TMEM25: variants seen among roughly 807,000 people sequenced by gnomAD.
The protein encoded by TMEM25 is 0610039J01Rik.
In TMEM25, 36 loss-of-function variants were observed where a neutral mutation model predicts 37.0. The observed-to-expected ratio is 0.97, with a 90% CI of 0.75 to 1.28. TMEM25 has a LOEUF of 1.28. Among genes scored for constraint, TMEM25 ranks in the 50% most tolerant of loss-of-function variants. The pLI is 0.00. For synonymous variants in TMEM25, 197 were observed against 203.7 expected (o/e 0.97, Z 0.28); for missense variants, 444 against 477.9 (o/e 0.93, Z 0.66).
At chr11:118,539,840 G>A (rs1262799819), downstream of TMEM25, among the ~76,000 whole-genome samples, 1 of 151,704 alleles carries the variant, frequency 6.6e-6, no homozygotes, top group East Asian at 2.0e-4. Context: ...AGCCAACATG[G>A]TGAAACTCCA....
rs1951685720 is a variant in TMEM25 at position 118,546,345 on chromosome 11, G to C, written c.*198G>C. On this transcript the variant is annotated 3_prime_UTR_variant, in exon 9 of 9. Transcript: ENST00000354284. Reference sequence around the variant, plus strand: ...AAATTCCATCTCTACAAAAAAATTAGCCGGGTGTGGTGTTGAGTATCTGTA... The same window carrying C: ...AAATTCCATCTCTACAAAAAAATTACCCGGGTGTGGTGTTGAGTATCTGTA... 5.2e-6 allele frequency: 3 copies of C among 573,548 alleles called. No individual in the cohort carries two copies. In the African/African-American group the frequency reaches 5.7e-5, roughly 11 times the overall value. The allele number at this position is 573,548 out of a possible 1,614,324, so 35.5% of individuals were successfully genotyped here. A position where few individuals can be genotyped will look rare whatever the true frequency, so the allele number is the denominator to read the frequency against.
chr11:118,531,857 C>A lies in TMEM25; in HGVS notation c.56C>A (p.Ala19Asp). ...ALRHTLLLLP[A>D]LLSSGWGELE... ...CGGCACACACTGCTGCTCCTGCCAG[C>A]CCTTCTGAGCTCAGGTACACCCCTG... is the stretch of plus-strand genomic sequence containing the variant. Residue 19 changes from alanine to aspartate, a missense_variant, in exon 2 of 9, where the codon GCC (alanine) becomes GAC (aspartate). Coordinates refer to ENST00000313236, the MANE Select transcript of TMEM25 (RefSeq NM_032780.4). 6.4e-7 allele frequency: 1 copy of A among 1,551,648 alleles called. No individual in the cohort carries two copies. Among genetic ancestry groups the A allele is most frequent in the South Asian group, 1.2e-5 (1 of 84,066 alleles).
At position 118,534,515 on chromosome 11, in the gene TMEM25, C is replaced by T. The variant is rs200093993; in HGVS notation, c.1036C>T (p.Arg346Cys). 1.5e-5 allele frequency: 25 copies of T among 1,614,178 alleles called. No individual in the cohort carries two copies. Among genetic ancestry groups the T allele is most frequent in the Non-Finnish European group, 1.9e-5 (22 of 1,180,028 alleles). Reference sequence around the variant, plus strand: ...CTTCTTTGATCCCGCAGGTTTCATCCGCCTCCCAGTGCTGGGCTATATCTA... The same window carrying T: ...CTTCTTTGATCCCGCAGGTTTCATCTGCCTCCCAGTGCTGGGCTATATCTA... The part of the protein sequence containing the change: ...GGLLTSQGFI[R>C]LPVLGYIYRV... Residue 346 changes from arginine to cysteine, a missense_variant, in exon 9 of 9, where the codon CGC (arginine) becomes TGC (cysteine). Coordinates refer to ENST00000313236, the MANE Select transcript of TMEM25 (RefSeq NM_032780.4). This position sits in a 1 kb window ranked among gnomAD's most constrained non-coding sequence, Gnocchi z 4.6.
chr11:118,532,244 A>AG lies in TMEM25; in HGVS notation c.171dup (p.Pro58AlafsTer47). On this transcript the variant is annotated frameshift_variant, in exon 3 of 9. Transcript: ENST00000313236. LOFTEE classifies it high-confidence loss of function. ...GCCACGCCTTCACCTGCCGGGTGGC[A>AG]GGGGGGCCTGGCACCCCCAGATTGG... 1 of 1,613,598 alleles carries AG rather than the reference A, an allele frequency of 6.2e-7. No individual in the cohort carries two copies. The highest frequency in any genetic ancestry group is 8.5e-7 in the Non-Finnish European group (1 of 1,179,636).
At chr11:118,531,565 C>CA in intron 1 of TMEM25, 1 of 569,316 alleles carries the variant, frequency 1.8e-6, no homozygotes, top group Non-Finnish European at 3.1e-6. Context: ...AGTCAGTGCT[C>CA]GCTTCTGCGC....
Position 118,535,647 on chromosome 11 carries a change from A to T in TMEM25, c.*1067A>T. ...AGCTTTAGGGGAACATGGAGAAAGA[A>T]GGAGACCACATACCCCAAAGTGACC... is the stretch of plus-strand genomic sequence containing the variant. On this transcript the variant is annotated 3_prime_UTR_variant, in exon 9 of 9. Transcript: ENST00000313236. The T allele has an allele frequency of 6.6e-7, 1 of 1,519,044 alleles. No homozygotes were observed. The highest frequency in any genetic ancestry group is 8.8e-7 in the Non-Finnish European group (1 of 1,134,370). 94.1% of individuals were successfully genotyped at this position (1,519,044 alleles called of 1,614,324 possible). A position where few individuals can be genotyped will look rare whatever the true frequency, so the allele number is the denominator to read the frequency against.
At position 118,535,776 on chromosome 11, in the gene TMEM25, C is replaced by T; in HGVS notation, c.*1196C>T. ...TTCTTTTGTAATGTTTTTCATGTTA[C>T]TGCCTAGGGCGGTGCTGAGCACACA... is the stretch of plus-strand genomic sequence containing the variant. On this transcript the variant is annotated 3_prime_UTR_variant, in exon 9 of 9. Transcript: ENST00000313236. 2 of 1,341,512 alleles carry T rather than the reference C, an allele frequency of 1.5e-6. No individual in the cohort carries two copies. The highest frequency in any genetic ancestry group is 9.5e-7 in the Non-Finnish European group (1 of 1,049,278). The allele number at this position is 1,341,512 out of a possible 1,614,324, so 83.1% of individuals were successfully genotyped here.
intron 8 of TMEM25, among the ~76,000 whole-genome samples, chr11:118,543,735 C>T (rs1002029390): frequency 6.6e-6 from 1 of 152,056 alleles, no homozygotes; most frequent in Non-Finnish European, 1.5e-5. Context: ...GATCCACCCG[C>T]CTCAGCCTCC....
At chr11:118,536,744 T>C (rs1389438967), downstream of TMEM25, among the ~76,000 whole-genome samples, 2 of 152,212 alleles carry the variant, frequency 1.3e-5, no homozygotes, top group Admixed American at 6.5e-5. Context: ...TGGGCTAAAG[T>C]ATGCTGAGCC....
At chr11:118,531,590 T>C in intron 1 of TMEM25, 185 bp from the exon 2 acceptor site, 4 of 581,886 alleles carry the variant, frequency 6.9e-6, no homozygotes, top group South Asian at 6.7e-5. Context: ...AGGATGTCCA[T>C]GTGTCTGCTG....
downstream of TMEM25, among the ~76,000 whole-genome samples, chr11:118,540,146 G>C (rs1360440338): frequency 6.6e-6 from 1 of 151,674 alleles, no homozygotes; most frequent in East Asian, 1.9e-4. Flanking sequence ...GTCTCGCTCT[G>C]TTGCCCAGGC....
intron 8 of TMEM25, among the ~76,000 whole-genome samples, chr11:118,543,031 G>C (rs1383168764): frequency 1.3e-5 from 2 of 152,036 alleles, no homozygotes; most frequent in African/African-American, 4.8e-5. Flanking sequence ...CATGAGGTCA[G>C]CAGATTGAGA....
At chr11:118,545,531 C>T (rs1951658760) in intron 8 of TMEM25, 1 of 1,544,738 alleles carries the variant, frequency 6.5e-7, no homozygotes. Context: ...CAGAAGCAAA[C>T]AAACTCCGGG....
chr11:118,540,382 C>G (rs1951563515), downstream of TMEM25, among the ~76,000 whole-genome samples: 1 of 152,222 alleles, frequency 6.6e-6, no homozygotes, highest in Non-Finnish European at 1.5e-5. Context: ...GAGTTCTAGC[C>G]TCTACTGATT....
chr11:118,533,301 T>G, intron 4 of TMEM25, 94 bp downstream of exon 4: 1 of 1,566,642 alleles, frequency 6.4e-7, no homozygotes, highest in Non-Finnish European at 8.6e-7. Flanking sequence ...GCCCTGTGGT[T>G]GGGTCTTGTG....
At chr11:118,545,541 GA>G in intron 8 of TMEM25, 1 of 1,474,524 alleles carries the variant, frequency 6.8e-7, no homozygotes. Context: ...CAAACTCCGG[GA>G]ATTAGAGGCC....
intron 8 of TMEM25, chr11:118,545,846 A>C: frequency 6.2e-7 from 1 of 1,614,186 alleles, no homozygotes; most frequent in Non-Finnish European, 8.5e-7. Flanking sequence ...TGCCGTGGGC[A>C]GGCTTACCTG....
Position 118,545,278 on chromosome 11 carries a change from T to C in TMEM25, c.1028-841T>C. Reference sequence around the variant, plus strand: ...CCTGCCTCCTTTGCTCTCCTAATTATGGGAAAGGGCGAAGGTAACTGGGCA... The same window carrying C: ...CCTGCCTCCTTTGCTCTCCTAATTACGGGAAAGGGCGAAGGTAACTGGGCA... On this transcript the variant is annotated intron_variant, in intron 8 of 8. Transcript: ENST00000354284. 3.8e-6 allele frequency: 3 copies of C among 788,874 alleles called. No homozygotes were observed. The South Asian group carries it at 5.0e-5, about 13-fold the overall frequency. The allele number at this position is 788,874 out of a possible 1,614,324, so 48.9% of individuals were successfully genotyped here. A position where few individuals can be genotyped will look rare whatever the true frequency, so the allele number is the denominator to read the frequency against.
chr11:118,534,640 C>G lies in TMEM25; in HGVS notation c.*60C>G. The G allele has an allele frequency of 6.3e-7, 1 of 1,597,766 alleles. No individual in the cohort carries two copies. The highest frequency in any genetic ancestry group is 8.5e-7 in the Non-Finnish European group (1 of 1,169,606). On this transcript the variant is annotated 3_prime_UTR_variant, in exon 9 of 9. Transcript: ENST00000313236. The surrounding 1 kb of genome is among the most constrained non-coding windows in gnomAD (Gnocchi z 4.6). ...TGGACACCCTCCCGTTCCTCCAAGG[C>G]ATCCTCTACCTAGCTAGGTCACCAA...
Sources: gnomAD v4.1 joint callset for allele counts (sites outside exome capture counted in the v4.1 genomes callset) on GRCh38, gnomAD v4.1.1 for gene constraint, Gnocchi (gnomAD v3.1) non-coding constraint, MANE v1.5 for transcripts, NCBI Gene and HGNC (gene_info 2026-07-23, HGNC 2026-07-21) for gene names.